Variants in SNTG1 observed in about 807,000 individuals in gnomAD.
SNTG1 encodes syntrophin gamma 1, also known as gamma-1-syntrophin.
A neutral mutation model predicts 74.7 loss-of-function variants in SNTG1; 39 were observed. The observed-to-expected ratio is 0.52, with a 90% CI of 0.40 to 0.68. SNTG1 has a LOEUF of 0.68. Among genes scored for constraint, SNTG1 ranks in the 30% least tolerant of loss-of-function variants. The probability of loss-of-function intolerance (pLI) is 0.00; values close to 1 mark genes in which losing one functional copy is unlikely to be tolerated. For synonymous variants in SNTG1, 254 were observed against 217.1 expected (o/e 1.17, Z -1.49); for missense variants, 685 against 609.5 (o/e 1.12, Z -1.30).
intron 1 of SNTG1, among the ~76,000 whole-genome samples, chr8:50,109,599 A>G (rs180783123): frequency 3.7e-4 from 56 of 152,310 alleles, no homozygotes; most frequent in African/African-American, 1.2e-3. Flanking sequence ...ATACCCTACT[A>G]TAATTCCTTA....
At chr8:50,504,684 C>A (rs1484227869) in intron 9 of SNTG1, among the ~76,000 whole-genome samples, 1 of 152,076 alleles carries the variant, frequency 6.6e-6, no homozygotes, top group Non-Finnish European at 1.5e-5. Flanking sequence ...GCCTGTGGTT[C>A]CAGCTACTTG....
chr8:50,092,762 AC>A (rs2079787114), intron 1 of SNTG1, among the ~76,000 whole-genome samples: 1 of 152,108 alleles, frequency 6.6e-6, no homozygotes, highest in South Asian at 2.1e-4. Context: ...TATGACTATC[AC>A]AACCATGTTA....
At chr8:49,964,086 G>T (rs908981674) in intron 1 of SNTG1, among the ~76,000 whole-genome samples, 8 of 152,192 alleles carry the variant, frequency 5.3e-5, no homozygotes, top group Non-Finnish European at 1.2e-4. Flanking sequence ...GTGTCAACTT[G>T]TCTAGGCCAC....
chr8:50,177,083 G>A lies in SNTG1; in HGVS notation c.-28+4448G>A, dbSNP rs866531694. On this transcript the variant is annotated intron_variant, in intron 2 of 18. Coordinates refer to ENST00000642720, the MANE Select transcript of SNTG1 (RefSeq NM_018967.5). The stretch of plus-strand genomic sequence containing the variant: ...AGTAGAGTCACAAGAAAATCTTTAG[G>A]TCACCATCAGACAACTTTGGTAATA... 3.3e-5 allele frequency among the ~76,000 whole-genome samples: 5 copies of A among 152,068 alleles called. No homozygotes were observed. In the South Asian group the frequency reaches 6.2e-4, roughly 19 times the overall value.
At chr8:49,962,908 C>T (rs1192899483) in intron 1 of SNTG1, among the ~76,000 whole-genome samples, 1 of 152,164 alleles carries the variant, frequency 6.6e-6, no homozygotes, top group Non-Finnish European at 1.5e-5. Context: ...TGGTTCTAAC[C>T]ACAGATTCCC....
chr8:50,361,181 G>A (rs558317258), intron 2 of SNTG1, among the ~76,000 whole-genome samples: 36 of 151,940 alleles, frequency 2.4e-4, no homozygotes, highest in Non-Finnish European at 3.8e-4. Flanking sequence ...AATACCCAAA[G>A]ACACATGCTA....
intron 1 of SNTG1, among the ~76,000 whole-genome samples, chr8:50,162,782 C>G (rs529214041): frequency 6.6e-6 from 1 of 152,180 alleles, no homozygotes; most frequent in African/African-American, 2.4e-5. Flanking sequence ...TATGCAGTGA[C>G]GTGTTCTGCT....
At chr8:50,141,263 A>T (rs1023765708) in intron 1 of SNTG1, among the ~76,000 whole-genome samples, 3 of 152,194 alleles carry the variant, frequency 2.0e-5, no homozygotes, top group Admixed American at 6.5e-5. Context: ...TGGTAAGTGC[A>T]TGTTGAACTT....
intron 2 of SNTG1, among the ~76,000 whole-genome samples, chr8:50,367,895 A>T (rs193035157): frequency 4.6e-5 from 7 of 152,204 alleles, no homozygotes; most frequent in Non-Finnish European, 1.0e-4. Flanking sequence ...ACTAATACCT[A>T]AAAATGTGGA....
intron 1 of SNTG1, among the ~76,000 whole-genome samples, chr8:49,959,135 G>A (rs1369344494): frequency 6.6e-6 from 1 of 152,074 alleles, no homozygotes; most frequent in Non-Finnish European, 1.5e-5. Flanking sequence ...ATTTTCATTA[G>A]TAATTGTTAA....
At chr8:50,153,982 C>T (rs1563668557) in intron 1 of SNTG1, among the ~76,000 whole-genome samples, 1 of 152,194 alleles carries the variant, frequency 6.6e-6, no homozygotes, top group Admixed American at 6.5e-5. Context: ...TTTTGTTAGG[C>T]TATGCCCTGC....
chr8:50,376,756 T>TATATATAGAG (rs1381048539), intron 2 of SNTG1, among the ~76,000 whole-genome samples: 12 of 89,958 alleles, frequency 1.3e-4, no homozygotes, highest in South Asian at 8.5e-4. Context: ...TATATATATA[T>TATATATAGAG]AGAGAGAGAG....
At chr8:50,387,922 G>T (rs780755175) in intron 2 of SNTG1, among the ~76,000 whole-genome samples, 5 of 152,056 alleles carry the variant, frequency 3.3e-5, no homozygotes, top group Non-Finnish European at 5.9e-5. Context: ...AGAACTTAGG[G>T]GTTCACTGAG....
At position 50,624,284 on chromosome 8, in the gene SNTG1, G is replaced by A. The variant is rs185229034; in HGVS notation, c.850-32625G>A. Among the ~76,000 whole-genome samples the A allele has an allele frequency of 1.6e-4, 24 of 151,470 alleles. No homozygotes were observed. In the East Asian group the frequency reaches 4.5e-3, roughly 28 times the overall value. On this transcript the variant is annotated intron_variant, in intron 13 of 18. Transcript: ENST00000642720. ...GAATTCATGCATTTACTCTCCTTTGGTGAGATAATTTAGCTTTTGACCTCT... is the reference window on the plus strand; with the variant it reads ...GAATTCATGCATTTACTCTCCTTTGATGAGATAATTTAGCTTTTGACCTCT...
intron 8 of SNTG1, among the ~76,000 whole-genome samples, chr8:50,472,405 A>G (rs1381414963): frequency 6.6e-6 from 1 of 152,180 alleles, no homozygotes; most frequent in African/African-American, 2.4e-5. Context: ...ATAACATTTT[A>G]AAGACCATTC....
chr8:50,699,719 A>G (rs1416080059), intron 15 of SNTG1, among the ~76,000 whole-genome samples: 1 of 152,198 alleles, frequency 6.6e-6, no homozygotes, highest in Non-Finnish European at 1.5e-5. Flanking sequence ...TCTGGAGGCT[A>G]TTCTTTCTAC....
intron 2 of SNTG1, among the ~76,000 whole-genome samples, chr8:50,271,109 T>C (rs186847116): frequency 4.3e-4 from 65 of 152,282 alleles, no homozygotes; most frequent in African/African-American, 1.5e-3. Flanking sequence ...CATGATTAAA[T>C]AGAATAACAA....
Position 50,590,927 on chromosome 8 carries a change from A to T in SNTG1, c.849+10A>T. The T allele has an allele frequency of 6.4e-7, 1 of 1,551,894 alleles. No homozygotes were observed. Among genetic ancestry groups the T allele is most frequent in the East Asian group, 2.3e-5 (1 of 42,672 alleles). ...TCCTGTAAACCAGCAGGTAAGATCAAAGCATACTTGGAAAGCTAAATAATA... is the reference window on the plus strand; with the variant it reads ...TCCTGTAAACCAGCAGGTAAGATCATAGCATACTTGGAAAGCTAAATAATA... On this transcript the variant is annotated intron_variant, in intron 13 of 18. Coordinates refer to ENST00000642720, the MANE Select transcript of SNTG1 (RefSeq NM_018967.5).
intron 2 of SNTG1, among the ~76,000 whole-genome samples, chr8:50,315,349 A>G (rs1388257656): frequency 6.7e-6 from 1 of 149,992 alleles, no homozygotes; most frequent in Non-Finnish European, 1.5e-5. Flanking sequence ...CTACTTTTAA[A>G]TTTACTTCAT....
Sources: allele counts gnomAD v4.1 joint callset (sites outside exome capture counted in the v4.1 genomes callset), GRCh38; gene constraint gnomAD v4.1.1; transcripts MANE v1.5; gene names NCBI Gene and HGNC (gene_info 2026-07-23, HGNC 2026-07-21).